The following TRIM58 variants were observed in gnomAD, a reference collection of about 807,000 sequenced individuals.
The protein encoded by TRIM58 is tripartite motif containing 58.
TRIM58 carries 38 observed loss-of-function variants against 34.1 expected under a neutral mutation model. The ratio of observed to expected loss-of-function variants is 1.12; its 90% CI spans 0.86 to 1.46. The LOEUF (loss-of-function observed/expected upper bound fraction) is 1.46, where lower values mean the gene tolerates loss of function less well. Ranked by LOEUF, TRIM58 falls within the 40% of genes most tolerant of loss-of-function variation. The pLI, the probability that TRIM58 is intolerant of heterozygous loss-of-function variation, is 0.00. For synonymous variants in TRIM58, 273 were observed against 275.7 expected (o/e 0.99, Z 0.10); for missense variants, 677 against 642.0 (o/e 1.05, Z -0.59).
chr1:247,868,846 C>T (rs1663993533), intron 5 of TRIM58, among the ~76,000 whole-genome samples: 1 of 152,164 alleles, frequency 6.6e-6, no homozygotes. Context: ...CTTTCTAGGC[C>T]TGCTACCTTT....
At position 247,863,243 on chromosome 1, in the gene TRIM58, A is replaced by C. The variant is rs533521259; in HGVS notation, c.517-1462A>C. 5.9e-5 allele frequency among the ~76,000 whole-genome samples: 9 copies of C among 152,334 alleles called. No individual in the cohort carries two copies. The East Asian group carries it at 1.7e-3, about 29-fold the overall frequency. Reference sequence around the variant, plus strand: ...GTCAAAGCAAGAAGTTATCACGTTTAAAAACAGGCAAATAGGCTGGGCACA... The same window carrying C: ...GTCAAAGCAAGAAGTTATCACGTTTCAAAACAGGCAAATAGGCTGGGCACA... On this transcript the variant is annotated intron_variant, in intron 2 of 5. Coordinates refer to ENST00000366481, the MANE Select transcript of TRIM58 (RefSeq NM_015431.4).
intron 5 of TRIM58, among the ~76,000 whole-genome samples, chr1:247,874,389 G>A (rs934181386): frequency 6.6e-6 from 1 of 152,154 alleles, no homozygotes; most frequent in Non-Finnish European, 1.5e-5. Flanking sequence ...CAGTGGGATG[G>A]CACTAAGTCA....
At chr1:247,868,534 A>C (rs1663981783) in intron 5 of TRIM58, among the ~76,000 whole-genome samples, 1 of 152,290 alleles carries the variant, frequency 6.6e-6, no homozygotes, top group Non-Finnish European at 1.5e-5. Flanking sequence ...TTTGATTTTG[A>C]CACTATCTAT....
chr1:247,869,064 T>A (rs1256924151), intron 5 of TRIM58, among the ~76,000 whole-genome samples: 1 of 152,174 alleles, frequency 6.6e-6, no homozygotes, highest in African/African-American at 2.4e-5. Flanking sequence ...CATGCCTGGC[T>A]AATTTTTATA....
In TRIM58 at chr1:247,858,752, C is replaced by CTTTT. The variant is rs386370399; in HGVS notation, c.420+1109_420+1112dup. Among the ~76,000 whole-genome samples the CTTTT allele has an allele frequency of 4.2e-3, 365 of 87,874 alleles. 69 individuals carry two copies. Among genetic ancestry groups the CTTTT allele is most frequent in the Middle Eastern group, 0.024 (2 of 82 alleles). The allele number at this position is 87,874 out of a possible 152,430, so 57.6% of individuals were successfully genotyped here. ...AGTCCAGAAAGAGGATTGGTAGTAACTTTTTTTTTTTTTTTTTTTTTTTTT... is the reference window on the plus strand; with the variant it reads ...AGTCCAGAAAGAGGATTGGTAGTAACTTTTTTTTTTTTTTTTTTTTTTTTTTTTT... On this transcript the variant is annotated intron_variant, in intron 1 of 5. Coordinates refer to ENST00000366481, the MANE Select transcript of TRIM58 (RefSeq NM_015431.4).
rs1390046621 is a variant in TRIM58, at chr1:247,878,060, G to A, written c.*1571G>A. The A allele has an allele frequency of 6.6e-6, 1 of 152,336 alleles. No homozygotes were observed. Among genetic ancestry groups the A allele is most frequent in the Non-Finnish European group, 1.5e-5 (1 of 68,236 alleles). 9.4% of individuals were successfully genotyped at this position (152,336 alleles called of 1,614,324 possible). On this transcript the variant is annotated 3_prime_UTR_variant, in exon 6 of 6. Coordinates refer to ENST00000366481, the MANE Select transcript of TRIM58 (RefSeq NM_015431.4). ...TGCCTGTTGTCCCAGCTACTTGGGA[G>A]GCTGAGGCAGGAGAATGGCATGAAC...
rs1236676212 is a variant in TRIM58 at position 247,860,354 on chromosome 1, G to T, written c.421-263G>T. Among the ~76,000 whole-genome samples the T allele has an allele frequency of 4.6e-5, 7 of 152,234 alleles. No homozygotes were observed. In the South Asian group the frequency reaches 1.0e-3, roughly 23 times the overall value. On this transcript the variant is annotated intron_variant, in intron 1 of 5. Transcript: ENST00000366481. ...TGTGTGCCTGGAGTCCTAGCTGCTTGGGAGGCTGAGGTGGGAGGATCATTT... is the reference window on the plus strand; with the variant it reads ...TGTGTGCCTGGAGTCCTAGCTGCTTTGGAGGCTGAGGTGGGAGGATCATTT...
chr1:247,858,245 C>CT (rs1663687079), intron 1 of TRIM58, among the ~76,000 whole-genome samples: 1 of 152,080 alleles, frequency 6.6e-6, no homozygotes, highest in African/African-American at 2.4e-5. Context: ...GATTTGGGGA[C>CT]TTAGGATTCG....
rs1286805482 is a variant in TRIM58 at position 247,878,237 on chromosome 1, G to A, written c.*1748G>A. On this transcript the variant is annotated 3_prime_UTR_variant, in exon 6 of 6. Coordinates refer to ENST00000366481, the MANE Select transcript of TRIM58 (RefSeq NM_015431.4). ...ACACAAATGCTAAAATGTTTAAATG[G>A]TAAATGCTTCAATGCTAACCAAATA... The A allele has an allele frequency of 6.6e-6, 1 of 151,784 alleles. No individual in the cohort carries two copies. Among genetic ancestry groups the A allele is most frequent in the Non-Finnish European group, 1.5e-5 (1 of 67,928 alleles). 9.4% of individuals were successfully genotyped at this position (151,784 alleles called of 1,614,324 possible).
intron 5 of TRIM58, among the ~76,000 whole-genome samples, chr1:247,872,134 G>A (rs2103333174): frequency 6.6e-6 from 1 of 152,348 alleles, no homozygotes; most frequent in Middle Eastern, 3.4e-3. Context: ...TGCTGAGCAT[G>A]ATACTTTATC....
At position 247,873,199 on chromosome 1, in the gene TRIM58, C is replaced by A. The variant is rs145933615; in HGVS notation, c.872-2701C>A. Among the ~76,000 whole-genome samples, 485 of 152,224 alleles carry A rather than the reference C, an allele frequency of 3.2e-3. 2 individuals are homozygous for A. Among genetic ancestry groups the A allele is most frequent in the African/African-American group, 0.01 (418 of 41,520 alleles). ...AAGCCAAGATCATGCCATTGAACTC[C>A]AGCCTGGGCAACAAGAGCAAAACTC... On this transcript the variant is annotated intron_variant, in intron 5 of 5. Transcript: ENST00000366481.
At position 247,857,435 on chromosome 1, in the gene TRIM58, C is replaced by G. The variant is rs1037562015; in HGVS notation, c.189C>G (p.Pro63=). 6.9e-7 allele frequency: 1 copy of G among 1,452,764 alleles called. No homozygotes were observed. Among genetic ancestry groups the G allele is most frequent in the East Asian group, 2.8e-5 (1 of 35,376 alleles). 90.0% of individuals were successfully genotyped at this position (1,452,764 alleles called of 1,614,324 possible). A position where few individuals can be genotyped will look rare whatever the true frequency, so the allele number is the denominator to read the frequency against. Residue 63 remains proline (P), a synonymous_variant, in exon 1 of 6, where the codon CCC becomes CCG. Coordinates refer to ENST00000366481, the MANE Select transcript of TRIM58 (RefSeq NM_015431.4). ...ACGCCTGTCCGCAGTGCCGGGGCCC[C>G]TTCCGGCCCTCGGGCTTTCGCCCCA... ...GVYACPQCRG[P]FRPSGFRPNR...
chr1:247,876,682 T>G lies in TRIM58; in HGVS notation c.*193T>G. 1.8e-6 allele frequency: 1 copy of G among 566,666 alleles called. No homozygotes were observed. Among genetic ancestry groups the G allele is most frequent in the Middle Eastern group, 4.5e-4 (1 of 2,232 alleles). The allele number at this position is 566,666 out of a possible 1,614,324, so 35.1% of individuals were successfully genotyped here. ...ATGGGAAGATTATAGAGCATAATAA[T>G]TTTGTAAATGGAGCAATCTCAACCT... On this transcript the variant is annotated 3_prime_UTR_variant, in exon 6 of 6. Transcript: ENST00000366481.
Position 247,867,872 on chromosome 1 carries a change from G to A in TRIM58, c.770+5G>A. On this transcript the variant is annotated splice_donor_5th_base_variant and intron_variant, in intron 4 of 5. Transcript: ENST00000366481. ...TGTGAGAGGAGTCCTGAGCAGGTAT[G>A]TGTGCTTTCTGAATTGGTGAAGGGA... 1 of 1,614,178 alleles carries A rather than the reference G, an allele frequency of 6.2e-7. No individual in the cohort carries two copies. Among genetic ancestry groups the A allele is most frequent in the Non-Finnish European group, 8.5e-7 (1 of 1,180,034 alleles).
chr1:247,866,353 T>G (rs114624320), intron 3 of TRIM58, among the ~76,000 whole-genome samples: 7,171 of 151,986 alleles, frequency 0.047, 239 homozygotes, highest in East Asian at 0.18. Context: ...ATTTTTTTTT[T>G]TGCGTTTTTA....
intron 2 of TRIM58, among the ~76,000 whole-genome samples, chr1:247,861,784 A>G (rs1205371893): frequency 1.3e-5 from 2 of 152,140 alleles, no homozygotes; most frequent in African/African-American, 4.8e-5. Context: ...AGATTACAAT[A>G]TAGATATATA....
chr1:247,873,753 A>C (rs1178273238), intron 5 of TRIM58, among the ~76,000 whole-genome samples: 1 of 152,136 alleles, frequency 6.6e-6, no homozygotes, highest in African/African-American at 2.4e-5. Context: ...GGATTGCTTG[A>C]ACCCAGGAGT....
intron 2 of TRIM58, among the ~76,000 whole-genome samples, chr1:247,861,547 A>G (rs1292667611): frequency 6.6e-6 from 1 of 152,088 alleles, no homozygotes; most frequent in East Asian, 1.9e-4. Flanking sequence ...GTATAGTTCT[A>G]TATATTCATA....
intron 2 of TRIM58, among the ~76,000 whole-genome samples, chr1:247,862,583 A>G (rs1422770153): frequency 6.6e-6 from 1 of 152,186 alleles, no homozygotes; most frequent in Non-Finnish European, 1.5e-5. Context: ...AGGCTGAAAT[A>G]CAAGTCAGTT....
Sources: gnomAD v4.1 joint callset for allele counts (sites outside exome capture counted in the v4.1 genomes callset) on GRCh38, gnomAD v4.1.1 for gene constraint, MANE v1.5 for transcripts, NCBI Gene and HGNC (gene_info 2026-07-23, HGNC 2026-07-21) for gene names.